CHCHD6: variants seen among roughly 807,000 people sequenced by gnomAD.
CHCHD6 encodes coiled-coil-helix-coiled-coil-helix domain containing 6.
A neutral mutation model predicts 32.3 loss-of-function variants in CHCHD6; 28 were observed. The observed-to-expected ratio is 0.87, with a 90% CI of 0.64 to 1.19. The LOEUF (loss-of-function observed/expected upper bound fraction) is 1.19, where lower values mean the gene tolerates loss of function less well. CHCHD6 is among the 50% of genes most tolerant of loss of function. CHCHD6 has a pLI of 0.00. For synonymous variants in CHCHD6, 122 were observed against 117.5 expected (o/e 1.04, Z -0.25); for missense variants, 333 against 307.0 (o/e 1.08, Z -0.63).
chr3:126,792,644 C>T (rs1281675255), intron 4 of CHCHD6, among the ~76,000 whole-genome samples: 1 of 151,940 alleles, frequency 6.6e-6, no homozygotes, highest in Non-Finnish European at 1.5e-5. Context: ...AATTAATTTG[C>T]ATTTTAGTGT....
At chr3:126,782,659 G>T (rs1023145707) in intron 4 of CHCHD6, among the ~76,000 whole-genome samples, 1 of 152,138 alleles carries the variant, frequency 6.6e-6, no homozygotes, top group African/African-American at 2.4e-5. Context: ...AGGTCCTCCC[G>T]CAGACACCAC....
chr3:126,915,768 A>G (rs1038674481), intron 6 of CHCHD6, among the ~76,000 whole-genome samples: 13 of 152,218 alleles, frequency 8.5e-5, no homozygotes, highest in Non-Finnish European at 1.9e-4. Flanking sequence ...GGCACAGAAT[A>G]GGACAGGGAA....
At chr3:126,718,165 G>A (rs1576332414) in intron 1 of CHCHD6, among the ~76,000 whole-genome samples, 1 of 152,196 alleles carries the variant, frequency 6.6e-6, no homozygotes, top group East Asian at 1.9e-4. Context: ...ACTTGCTCAA[G>A]GTTGCAAAGC....
At chr3:126,859,175 G>A (rs1941768539) in intron 5 of CHCHD6, among the ~76,000 whole-genome samples, 1 of 152,214 alleles carries the variant, frequency 6.6e-6, no homozygotes, top group South Asian at 2.1e-4. Context: ...TCAGGAAACA[G>A]TGACGCAGCG....
At chr3:126,892,489 C>T (rs990167016) in intron 5 of CHCHD6, among the ~76,000 whole-genome samples, 1 of 152,170 alleles carries the variant, frequency 6.6e-6, no homozygotes, top group Non-Finnish European at 1.5e-5. Flanking sequence ...CTTTCTTTGC[C>T]TACAACCCTG....
intron 6 of CHCHD6, among the ~76,000 whole-genome samples, chr3:126,949,016 C>A (rs564951298): frequency 6.6e-6 from 1 of 152,244 alleles, no homozygotes; most frequent in Admixed American, 6.5e-5. Context: ...AAAGGGGCAT[C>A]TCTGCCTTAC....
At chr3:126,709,605 A>G (rs1427684407) in intron 1 of CHCHD6, among the ~76,000 whole-genome samples, 1 of 152,214 alleles carries the variant, frequency 6.6e-6, no homozygotes, top group Non-Finnish European at 1.5e-5. Flanking sequence ...GTACCATTTG[A>G]TATTTCCACC....
At chr3:126,725,847 C>T (rs1420109194) in intron 1 of CHCHD6, among the ~76,000 whole-genome samples, 2 of 152,230 alleles carry the variant, frequency 1.3e-5, no homozygotes, top group African/African-American at 4.8e-5. Flanking sequence ...GCAGCTTCCT[C>T]ACCTCTCTCA....
intron 6 of CHCHD6, among the ~76,000 whole-genome samples, chr3:126,922,717 ATG>A (rs150511820): frequency 9.6e-5 from 14 of 145,442 alleles, no homozygotes; most frequent in South Asian, 8.9e-4. Flanking sequence ...GTGTATGTGT[ATG>A]TGTGTGTGTG....
chr3:126,900,578 GAGA>G (rs2077909010), intron 5 of CHCHD6, among the ~76,000 whole-genome samples: 1 of 150,724 alleles, frequency 6.6e-6, no homozygotes, highest in Non-Finnish European at 1.5e-5. Context: ...AGAAGCAAGA[GAGA>G]AGGACGGGAG....
At chr3:126,831,577 T>C (rs1006898873) in intron 4 of CHCHD6, among the ~76,000 whole-genome samples, 2 of 152,178 alleles carry the variant, frequency 1.3e-5, no homozygotes, top group Non-Finnish European at 2.9e-5. Flanking sequence ...AGGTCTCTCC[T>C]GGGGCTGTAG....
chr3:126,772,179 G>A (rs2107677348), intron 4 of CHCHD6, among the ~76,000 whole-genome samples: 1 of 152,268 alleles, frequency 6.6e-6, no homozygotes, highest in Non-Finnish European at 1.5e-5. Flanking sequence ...TCGGCTCACT[G>A]CAAGCTCCGC....
At chr3:126,816,526 G>A (rs568961208) in intron 4 of CHCHD6, among the ~76,000 whole-genome samples, 1 of 152,236 alleles carries the variant, frequency 6.6e-6, no homozygotes, top group East Asian at 1.9e-4. Flanking sequence ...GCTTGCAGAG[G>A]CTGTGAACCC....
At chr3:126,720,274 G>C (rs1484408927) in intron 1 of CHCHD6, among the ~76,000 whole-genome samples, 1 of 152,184 alleles carries the variant, frequency 6.6e-6, no homozygotes, top group Non-Finnish European at 1.5e-5. Context: ...GACTGCCACT[G>C]TCATGTAGAT....
intron 6 of CHCHD6, among the ~76,000 whole-genome samples, chr3:126,917,196 A>G (rs2078183868): frequency 6.6e-6 from 1 of 152,266 alleles, no homozygotes; most frequent in South Asian, 2.1e-4. Flanking sequence ...AGCACTATTT[A>G]CTAAGCAATA....
chr3:126,727,695 C>CT (rs1378855417), intron 2 of CHCHD6, among the ~76,000 whole-genome samples: 1 of 152,100 alleles, frequency 6.6e-6, no homozygotes, highest in African/African-American at 2.4e-5. Context: ...AGGAGGGGTC[C>CT]TAGGAGTTCC....
intron 5 of CHCHD6, among the ~76,000 whole-genome samples, chr3:126,885,669 C>G (rs768850150): frequency 3.3e-5 from 5 of 152,196 alleles, no homozygotes; most frequent in African/African-American, 1.2e-4. Flanking sequence ...AACCATTACT[C>G]TAACTCCCAG....
At position 126,855,648 on chromosome 3, in the gene CHCHD6, T is replaced by C. The variant is rs116179217; in HGVS notation, c.495+2918T>C. Among the ~76,000 whole-genome samples, 580 of 152,324 alleles carry C rather than the reference T, an allele frequency of 3.8e-3. 3 individuals are homozygous for C. The highest frequency in any genetic ancestry group is 0.013 in the African/African-American group (554 of 41,580). ...TGGGCTGCATCGGGCTTTTCTCTGA[T>C]GGTCTTGCAGTATCCACTGGGCTGG... On this transcript the variant is annotated intron_variant, in intron 5 of 7. Transcript: ENST00000290913.
intron 1 of CHCHD6, among the ~76,000 whole-genome samples, chr3:126,710,709 TCTTA>T (rs1344260512): frequency 3.3e-5 from 5 of 152,220 alleles, no homozygotes; most frequent in Admixed American, 6.5e-5. Context: ...GGAGTTGTTT[TCTTA>T]CTTTTATTTT....
Sources: gnomAD v4.1 joint callset for allele counts (sites outside exome capture counted in the v4.1 genomes callset) on GRCh38, gnomAD v4.1.1 for gene constraint, MANE v1.5 for transcripts, NCBI Gene and HGNC (gene_info 2026-07-23, HGNC 2026-07-21) for gene names.